Variants in ZKSCAN2 observed in about 807,000 individuals in gnomAD.
ZKSCAN2 encodes the protein zinc finger with KRAB and SCAN domains 2.
In ZKSCAN2, 38 loss-of-function variants were observed where a neutral mutation model predicts 90.5. That is an observed-to-expected ratio of 0.42 (90% CI 0.32 to 0.55). ZKSCAN2 has a LOEUF of 0.55. ZKSCAN2 is among the 20% of genes least tolerant of loss of function. The pLI, the probability that ZKSCAN2 is intolerant of heterozygous loss-of-function variation, is 0.11. For synonymous variants in ZKSCAN2, 429 were observed against 421.6 expected (o/e 1.02, Z -0.22); for missense variants, 1,167 against 1,202.6 (o/e 0.97, Z 0.44).
chr16:25,244,809 T>C (rs566603448), intron 5 of ZKSCAN2, among the ~76,000 whole-genome samples: 51 of 152,372 alleles, frequency 3.3e-4, no homozygotes, highest in African/African-American at 1.2e-3. Context: ...TTGGATGTCA[T>C]TGAATCCTCT....
chr16:25,255,383 G>T lies in ZKSCAN2; in HGVS notation c.409C>A (p.Pro137Thr). Reference sequence around the variant, plus strand: ...GGGGAGTGCTTCTCCCGGTGCACGGGACTGCTGACCTGAGAAATGAAGTCA... The same window carrying T: ...GGGGAGTGCTTCTCCCGGTGCACGGTACTGCTGACCTGAGAAATGAAGTCA... Reference protein sequence around the residue: ...TGRLRQQVSSPVHREKHSPLG... With the variant: ...TGRLRQQVSSTVHREKHSPLG... Residue 137 changes from proline to threonine, a missense_variant, in exon 2 of 7, where the codon CCC becomes ACC. Pro to Thr is a conservative substitution (Grantham distance 38, BLOSUM62 -1). Transcript: ENST00000328086. The T allele has an allele frequency of 6.2e-7, 1 of 1,611,142 alleles. No individual in the cohort carries two copies. The highest frequency in any genetic ancestry group is 1.1e-5 in the South Asian group (1 of 90,926).
Position 25,246,814 on chromosome 16 carries a change from A to T in ZKSCAN2, c.1382T>A (p.Val461Glu). ...AISAKEHISL[V>E]EEEEAAEDSD... ...ATCTTCTGCAGCTTCCTCCTCCTCC[A>T]CCAAGCTGATGTGTTCCTTAGCACT... Residue 461 changes from valine (V) to glutamate (E), a missense_variant, in exon 5 of 7, where the codon GTG (valine) becomes GAG (glutamate). By Grantham distance (121) the Val-to-Glu change is moderately radical. Coordinates refer to ENST00000328086, the MANE Select transcript of ZKSCAN2 (RefSeq NM_001012981.5). The T allele has an allele frequency of 1.2e-6, 2 of 1,614,038 alleles. No homozygotes were observed. Among genetic ancestry groups the T allele is most frequent in the Non-Finnish European group, 1.7e-6 (2 of 1,179,994 alleles).
Position 25,255,282 on chromosome 16 carries a change from C to T in ZKSCAN2, c.510G>A (p.Glu170=). Residue 170 remains glutamate, a synonymous_variant, in exon 2 of 7, where the codon GAG becomes GAA. Transcript: ENST00000328086. ...VETQPRAVSR[E]EPGSLHSGHQ... ...GTCCTGAGTGGAGGCTTCCAGGTTC[C>T]TCCCGAGACACCGCCCTGGGTTGGG... 1 of 1,613,732 alleles carries T rather than the reference C, an allele frequency of 6.2e-7. No individual in the cohort carries two copies. Among genetic ancestry groups the T allele is most frequent in the Non-Finnish European group, 8.5e-7 (1 of 1,179,920 alleles).
At position 25,257,147 on chromosome 16, in the gene ZKSCAN2, C is replaced by T; in HGVS notation, c.-20G>A. On this transcript the variant is annotated 5_prime_UTR_variant, in exon 1 of 7. Coordinates refer to ENST00000328086, the MANE Select transcript of ZKSCAN2 (RefSeq NM_001012981.5). ...AGCCATGCTGCAGCCCAGGGGTCAACTTCACGTCTAGCTCAAGGTGGGGAC... is the reference window on the plus strand; with the variant it reads ...AGCCATGCTGCAGCCCAGGGGTCAATTTCACGTCTAGCTCAAGGTGGGGAC... The T allele has an allele frequency of 2.6e-6, 4 of 1,566,876 alleles. No individual in the cohort carries two copies. The highest frequency in any genetic ancestry group is 2.6e-6 in the Non-Finnish European group (3 of 1,157,356).
chr16:25,240,825 C>T (rs1225657992), intron 6 of ZKSCAN2, 87 bp from the exon 7 acceptor site: 10 of 1,002,530 alleles, frequency 1.0e-5, no homozygotes, highest in South Asian at 1.6e-5. Flanking sequence ...TCCGCTTGCT[C>T]TCCATACACT....
intron 5 of ZKSCAN2, among the ~76,000 whole-genome samples, chr16:25,245,254 G>A (rs1962914550): frequency 6.6e-6 from 1 of 152,136 alleles, no homozygotes; most frequent in South Asian, 2.1e-4. Context: ...ACAGGAGTGT[G>A]CCACCATGCC....
At position 25,246,930 on chromosome 16, in the gene ZKSCAN2, C is replaced by T. The variant is rs753737349; in HGVS notation, c.1266G>A (p.Met422Ile). Residue 422 changes from methionine (M) to isoleucine (I), a missense_variant, in exon 5 of 7, where the codon ATG becomes ATA. Met to Ile is a conservative substitution (Grantham distance 10, BLOSUM62 1). Coordinates refer to ENST00000328086, the MANE Select transcript of ZKSCAN2 (RefSeq NM_001012981.5). Reference protein sequence around the residue: ...MLEPCAFFEDMDALLNPAARA... With the variant: ...MLEPCAFFEDIDALLNPAARA... ...GGGCTGCAGGGTTCAACAAAGCATCCATGTCCTCAAAGAAGGCGCAGGGTT... is the reference window on the plus strand; with the variant it reads ...GGGCTGCAGGGTTCAACAAAGCATCTATGTCCTCAAAGAAGGCGCAGGGTT... 2 of 1,614,136 alleles carry T rather than the reference C, an allele frequency of 1.2e-6. No individual in the cohort carries two copies. Among genetic ancestry groups the T allele is most frequent in the South Asian group, 1.1e-5 (1 of 91,088 alleles).
chr16:25,239,696 G>A lies in ZKSCAN2; in HGVS notation c.*120C>T. 1.1e-6 allele frequency: 1 copy of A among 875,358 alleles called. No homozygotes were observed. Among genetic ancestry groups the A allele is most frequent in the East Asian group, 2.6e-5 (1 of 38,482 alleles). The allele number at this position is 875,358 out of a possible 1,614,324, so 54.2% of individuals were successfully genotyped here. A position where few individuals can be genotyped will look rare whatever the true frequency, so the allele number is the denominator to read the frequency against. ...GGTGAGAACAGGATGAAAGTGTTTAGTTTATTTATATTCTCAAGTTTATCT... is the reference window on the plus strand; with the variant it reads ...GGTGAGAACAGGATGAAAGTGTTTAATTTATTTATATTCTCAAGTTTATCT... On this transcript the variant is annotated 3_prime_UTR_variant, in exon 7 of 7. Transcript: ENST00000328086.
At chr16:25,255,970 A>G (rs554862179) in intron 1 of ZKSCAN2, among the ~76,000 whole-genome samples, 4 of 152,326 alleles carry the variant, frequency 2.6e-5, no homozygotes, top group Admixed American at 2.0e-4. Flanking sequence ...ATTTGACTCT[A>G]TATCTGTTAC....
intron 2 of ZKSCAN2, among the ~76,000 whole-genome samples, chr16:25,253,503 C>A (rs1245120821): frequency 6.6e-6 from 1 of 151,532 alleles, no homozygotes; most frequent in Admixed American, 6.6e-5. Flanking sequence ...TGCATTCCAT[C>A]ATAATATAAA....
At position 25,238,767 on chromosome 16, in the gene ZKSCAN2, C is replaced by T. The variant is rs752715571; in HGVS notation, c.*1049G>A. On this transcript the variant is annotated 3_prime_UTR_variant, in exon 7 of 7. Transcript: ENST00000328086. ...TCGACAGCAGGCCAAAGGAGTCCAA[C>T]TGGTCTTAGAAATGCTTCAGGTGTC... 6.6e-6 allele frequency: 1 copy of T among 152,234 alleles called. No individual in the cohort carries two copies. Among genetic ancestry groups the T allele is most frequent in the Non-Finnish European group, 1.5e-5 (1 of 68,070 alleles). 9.4% of individuals were successfully genotyped at this position (152,234 alleles called of 1,614,324 possible). A position where few individuals can be genotyped will look rare whatever the true frequency, so the allele number is the denominator to read the frequency against.
rs1377793893 is a variant in ZKSCAN2, at chr16:25,237,397, A to G, written c.*2419T>C. 6.6e-6 allele frequency: 1 copy of G among 152,224 alleles called. No homozygotes were observed. Among genetic ancestry groups the G allele is most frequent in the African/African-American group, 2.4e-5 (1 of 41,446 alleles). 9.4% of individuals were successfully genotyped at this position (152,224 alleles called of 1,614,324 possible). On this transcript the variant is annotated 3_prime_UTR_variant, in exon 7 of 7. Coordinates refer to ENST00000328086, the MANE Select transcript of ZKSCAN2 (RefSeq NM_001012981.5). ...GATAGGGGAACCCAAATTCCACCTC[A>G]GCTTGCTCCCAGGCATATGAGAGTT...
chr16:25,239,006 G>C lies in ZKSCAN2; in HGVS notation c.*810C>G. On this transcript the variant is annotated 3_prime_UTR_variant, in exon 7 of 7. Coordinates refer to ENST00000328086, the MANE Select transcript of ZKSCAN2 (RefSeq NM_001012981.5). ...AGGCCTCCTATTCTATCTGAGGAGG[G>C]CATGGTAGTTCGGAAGAGGCCGGCA... 1 of 152,832 alleles carries C rather than the reference G, an allele frequency of 6.5e-6. No homozygotes were observed. The highest frequency in any genetic ancestry group is 1.5e-5 in the Non-Finnish European group (1 of 68,154). 9.5% of individuals were successfully genotyped at this position (152,832 alleles called of 1,614,324 possible).
rs754124135 is a variant in ZKSCAN2, at chr16:25,256,848, G to C, written c.280C>G (p.Leu94Val). The C allele has an allele frequency of 6.2e-7, 1 of 1,614,182 alleles. No individual in the cohort carries two copies. Among genetic ancestry groups the C allele is most frequent in the Non-Finnish European group, 8.5e-7 (1 of 1,180,048 alleles). The change falls in exon 1 of 7, where the codon CTC becomes GTC. Residue 94 changes from leucine (L) to valine (V), a missense_variant. Transcript: ENST00000328086. ...TGAATCTTCTCGGGTAAAATGGTGA[G>C]AAACTGCTCAATCACCAGCAGCTCA... ...ILELLVIEQF[L>V]TILPEKIQAW...
At chr16:25,241,148 C>T (rs191979323) in intron 6 of ZKSCAN2, among the ~76,000 whole-genome samples, 3 of 152,326 alleles carry the variant, frequency 2.0e-5, no homozygotes, top group Non-Finnish European at 2.9e-5. Context: ...AACTAAATTC[C>T]TCTACATATC....
In ZKSCAN2 at chr16:25,236,816, AC is replaced by A. The variant is rs1410877868; in HGVS notation, c.*2999del. ...AAAGCAAGCCTAGGTGGGACATACGACCCCAGTTTCCAAAATGCCTTCGATA... is the reference window on the plus strand; with the variant it reads ...AAAGCAAGCCTAGGTGGGACATACGACCCAGTTTCCAAAATGCCTTCGATA... On this transcript the variant is annotated 3_prime_UTR_variant, in exon 7 of 7. Transcript: ENST00000328086. 1.3e-5 allele frequency: 2 copies of A among 152,234 alleles called. No individual in the cohort carries two copies. Among genetic ancestry groups the A allele is most frequent in the Non-Finnish European group, 2.9e-5 (2 of 68,034 alleles). 9.4% of individuals were successfully genotyped at this position (152,234 alleles called of 1,614,324 possible).
At position 25,240,582 on chromosome 16, in the gene ZKSCAN2, T is replaced by C. The variant is rs752018693; in HGVS notation, c.2138A>G (p.Gln713Arg). 1 of 1,614,206 alleles carries C rather than the reference T, an allele frequency of 6.2e-7. No homozygotes were observed. The highest frequency in any genetic ancestry group is 8.5e-7 in the Non-Finnish European group (1 of 1,180,034). Reference sequence around the variant, plus strand: ...TCTAATTCCTTGAAGATTTTCCCATTGTCTTCCTGAGATGCATTCCCTTTT... The same window carrying C: ...TCTAATTCCTTGAAGATTTTCCCATCGTCTTCCTGAGATGCATTCCCTTTT... The part of the protein sequence containing the change: ...YRKRECISGR[Q>R]WENLQGIRQG... The change falls in exon 7 of 7, where the codon CAA (glutamine) becomes CGA (arginine). Residue 713 changes from glutamine (Q) to arginine (R), a missense_variant. Coordinates refer to ENST00000328086, the MANE Select transcript of ZKSCAN2 (RefSeq NM_001012981.5).
In ZKSCAN2 at chr16:25,240,553, CCTGT is replaced by C. The variant is rs1216269202; in HGVS notation, c.2163_2166del (p.Gln722GlufsTer10). The C allele has an allele frequency of 8.1e-6, 13 of 1,614,160 alleles. No homozygotes were observed. In the South Asian group the frequency reaches 1.2e-4, roughly 15 times the overall value. On this transcript the variant is annotated frameshift_variant, in exon 7 of 7. Transcript: ENST00000328086. LOFTEE classifies it high-confidence loss of function. ...TCTCTAGGCTGAGACATCGGCTTTC[CCTGT>C]CTAATTCCTTGAAGATTTTCCCATT... is the stretch of plus-strand genomic sequence containing the variant.
Position 25,240,649 on chromosome 16 carries a change from T to C in ZKSCAN2, c.2071A>G (p.Lys691Glu), listed in dbSNP as rs763347455. ...EQHRALIEKS[K>E]RVVSQSTDPS... is the part of the protein sequence containing the mutation. ...TCGGTACTCTGGGAAACAACTCTTT[T>C]AGACTTTTCTATTAATGCCCTATGC... The change falls in exon 7 of 7, where the codon AAA (lysine) becomes GAA (glutamate). Residue 691 changes from lysine (K) to glutamate (E), a missense_variant. Transcript: ENST00000328086. The C allele has an allele frequency of 8.1e-6, 13 of 1,614,102 alleles. No homozygotes were observed. The Admixed American group carries it at 1.3e-4, about 17-fold the overall frequency.
Sources: allele counts gnomAD v4.1 joint callset (sites outside exome capture counted in the v4.1 genomes callset), GRCh38; gene constraint gnomAD v4.1.1; transcripts MANE v1.5; gene names NCBI Gene and HGNC (gene_info 2026-07-23, HGNC 2026-07-21).